RIF1: variants seen among roughly 807,000 people sequenced by gnomAD.
RIF1 encodes the protein telomere-associated protein RIF1.
A neutral mutation model predicts 247.1 loss-of-function variants in RIF1; 45 were observed. The observed-to-expected ratio is 0.18, with a 90% CI of 0.14 to 0.23. RIF1 has a LOEUF of 0.23. Ranked by LOEUF, RIF1 falls within the 10% of genes least tolerant of loss-of-function variation. The pLI, the probability that RIF1 is intolerant of heterozygous loss-of-function variation, is 1.00. For synonymous variants in RIF1, 1,087 were observed against 978.8 expected (o/e 1.11, Z -2.06); for missense variants, 2,967 against 2,862.5 (o/e 1.04, Z -0.83).
At chr2:151,531,302 T>A in the RIF1 span, among the ~76,000 whole-genome samples, 1 of 145,846 alleles carries the variant, frequency 6.9e-6, no homozygotes, top group Non-Finnish European at 1.5e-5. Flanking sequence ...CTCTCTTTTT[T>A]TCTTTCTTTT....
intron 10 of RIF1, among the ~76,000 whole-genome samples, chr2:151,499,009 C>T (rs1039291771): frequency 6.9e-6 from 1 of 145,538 alleles, no homozygotes; most frequent in Non-Finnish European, 1.5e-5. Flanking sequence ...GCTTTAGGTT[C>T]AGATCAAATT....
chr2:151,516,076 C>T, the RIF1 span, among the ~76,000 whole-genome samples: 1 of 152,052 alleles, frequency 6.6e-6, no homozygotes, highest in African/African-American at 2.4e-5. Context: ...TCACAAATAC[C>T]CTTTTGTTTG....
chr2:151,422,916 G>T (rs115218817), intron 7 of RIF1, 34 bp from the exon 8 acceptor site: 3 of 1,126,216 alleles, frequency 2.7e-6, no homozygotes, highest in Middle Eastern at 2.0e-4. Context: ...TTTTCTAAGA[G>T]TCTGTTTGGT....
At chr2:151,411,847 A>T (rs965039062) in intron 3 of RIF1, among the ~76,000 whole-genome samples, 1 of 152,152 alleles carries the variant, frequency 6.6e-6, no homozygotes, top group East Asian at 1.9e-4. Flanking sequence ...TTATCACTTA[A>T]CTCTCCATGG....
Position 151,449,618 on chromosome 2 carries a change from T to G in RIF1, c.2245-1988T>G, listed in dbSNP as rs114941296. ...GTGATGCCAAGCCCACCAACCTTTT[T>G]GTTCTGAAGTCTTCTCTTTTCTTGG... On this transcript the variant is annotated intron_variant, in intron 20 of 35. Transcript: ENST00000444746. 3.3e-3 allele frequency among the ~76,000 whole-genome samples: 509 copies of G among 152,264 alleles called. 3 individuals are homozygous for G. Among genetic ancestry groups the G allele is most frequent in the African/African-American group, 0.012 (485 of 41,544 alleles).
rs1168057788 is a variant in RIF1, at chr2:151,474,141, T to C, written c.7204+69T>C. The C allele has an allele frequency of 5.0e-6, 4 of 797,982 alleles. No homozygotes were observed. In the African/African-American group the frequency reaches 7.0e-5, roughly 14 times the overall value. 49.4% of individuals were successfully genotyped at this position (797,982 alleles called of 1,614,324 possible). A position where few individuals can be genotyped will look rare whatever the true frequency, so the allele number is the denominator to read the frequency against. On this transcript the variant is annotated intron_variant, in intron 35 of 35. Coordinates refer to ENST00000444746, the MANE Select transcript of RIF1 (RefSeq NM_018151.5). ...CTGACTTTCTTGAAATATGTTATTT[T>C]TTTTAGTCTGATTTGACCATGCCTT...
At chr2:151,451,503 G>A (rs918622600) in intron 20 of RIF1, 103 bp from the exon 21 acceptor site, 20 of 679,362 alleles carry the variant, frequency 2.9e-5, no homozygotes, top group Non-Finnish European at 5.2e-5. Context: ...GTGTTACATA[G>A]GATATATGGG....
intron 2 of RIF1, among the ~76,000 whole-genome samples, chr2:151,410,767 C>G (rs941587402): frequency 6.6e-6 from 1 of 152,058 alleles, no homozygotes; most frequent in Non-Finnish European, 1.5e-5. Context: ...GTGTGTTTTG[C>G]AAGCGAGGGA....
intron 5 of RIF1, 23 bp downstream of exon 5, chr2:151,416,711 C>T (rs759017117): frequency 6.2e-7 from 1 of 1,609,958 alleles, no homozygotes. Context: ...TTTGGGTATG[C>T]CATCTTAACT....
At chr2:151,516,995 C>T in the RIF1 span, among the ~76,000 whole-genome samples, 1 of 152,102 alleles carries the variant, frequency 6.6e-6, no homozygotes, top group Admixed American at 6.5e-5. Flanking sequence ...GAACTTTTAT[C>T]AGAGACCTGG....
At chr2:151,517,360 C>T in the RIF1 span, among the ~76,000 whole-genome samples, 1 of 152,158 alleles carries the variant, frequency 6.6e-6, no homozygotes, top group African/African-American at 2.4e-5. Flanking sequence ...GAATAAAGGC[C>T]TGGGGGCACA....
chr2:151,534,198 C>A, the RIF1 span: 2 of 1,601,768 alleles, frequency 1.2e-6, no homozygotes, highest in Non-Finnish European at 1.7e-6. Context: ...GGCCACCGGC[C>A]AGCCCCATCA....
At chr2:151,527,946 T>A in the RIF1 span, among the ~76,000 whole-genome samples, 1 of 152,206 alleles carries the variant, frequency 6.6e-6, no homozygotes, top group Non-Finnish European at 1.5e-5. Flanking sequence ...CACTAGGTAT[T>A]TATTTTCTGC....
At chr2:151,410,802 AGTT>A (rs1686039260) in intron 2 of RIF1, among the ~76,000 whole-genome samples, 1 of 152,094 alleles carries the variant, frequency 6.6e-6, no homozygotes, top group African/African-American at 2.4e-5. Flanking sequence ...GGTTGGAAGT[AGTT>A]GTTGGAGGAG....
At chr2:151,452,794 A>G (rs1045759208) in intron 21 of RIF1, among the ~76,000 whole-genome samples, 1 of 152,242 alleles carries the variant, frequency 6.6e-6, no homozygotes, top group African/African-American at 2.4e-5. Flanking sequence ...AGCGAAGATG[A>G]TCAGTCTCAT....
At chr2:151,510,780 C>A (rs568580858), downstream of RIF1, among the ~76,000 whole-genome samples, 1 of 152,310 alleles carries the variant, frequency 6.6e-6, no homozygotes, top group Admixed American at 6.5e-5. Context: ...CAGGCATCCA[C>A]TAGAGGTCTT....
intron 29 of RIF1, 92 bp from the exon 30 acceptor site, chr2:151,462,792 C>T (rs969565103): frequency 7.6e-6 from 7 of 924,110 alleles, no homozygotes; most frequent in Middle Eastern, 2.4e-4. Flanking sequence ...TTTGGGTTAC[C>T]GAAGTTTTAC....
intron 20 of RIF1, among the ~76,000 whole-genome samples, chr2:151,450,598 T>C (rs943310424): frequency 2.0e-5 from 3 of 152,150 alleles, no homozygotes; most frequent in Non-Finnish European, 2.9e-5. Flanking sequence ...TTCTTTCTTT[T>C]TTTTTTTGAC....
chr2:151,513,760 G>A, the RIF1 span: 65 of 1,115,158 alleles, frequency 5.8e-5, no homozygotes, highest in South Asian at 2.6e-4. Flanking sequence ...AACATACAGG[G>A]TGAATGTAAA....
Sources: gnomAD v4.1 joint callset for allele counts (sites outside exome capture counted in the v4.1 genomes callset) on GRCh38, gnomAD v4.1.1 for gene constraint, MANE v1.5 for transcripts, NCBI Gene and HGNC (gene_info 2026-07-23, HGNC 2026-07-21) for gene names.